Variants in PDE4D observed in about 807,000 individuals in gnomAD.
PDE4D encodes the protein 3',5'-cyclic-AMP phosphodiesterase 4D.
In PDE4D, 24 loss-of-function variants were observed where a neutral mutation model predicts 87.4. The ratio of observed to expected loss-of-function variants is 0.27; its 90% CI spans 0.20 to 0.39. PDE4D has a LOEUF of 0.39. Ranked by LOEUF, PDE4D falls within the 10% of genes least tolerant of loss-of-function variation. The pLI is 1.00. For missense variants in PDE4D, 714 were observed against 1,041.0 expected (o/e 0.69, Z 4.32); for synonymous variants, 384 against 383.2 (o/e 1.00, Z -0.02).
At chr5:60,148,344 C>A (rs1020975883) in intron 2 of PDE4D, among the ~76,000 whole-genome samples, 1 of 151,964 alleles carries the variant, frequency 6.6e-6, no homozygotes, top group Non-Finnish European at 1.5e-5. Context: ...ACAATACAAC[C>A]ACAAAAATAA....
chr5:59,133,486 G>A (rs2153451922), intron 5 of PDE4D, among the ~76,000 whole-genome samples: 1 of 152,114 alleles, frequency 6.6e-6, no homozygotes, highest in South Asian at 2.1e-4. Flanking sequence ...AGAAGACACA[G>A]CATTAAAATA....
At chr5:59,757,902 A>C (rs1761479780) in intron 1 of PDE4D, among the ~76,000 whole-genome samples, 1 of 152,220 alleles carries the variant, frequency 6.6e-6, no homozygotes, top group Admixed American at 6.5e-5. Context: ...TTATAAGAAT[A>C]TTTTATAAGG....
chr5:59,032,010 T>A (rs2153385764), intron 6 of PDE4D, among the ~76,000 whole-genome samples: 1 of 111,874 alleles, frequency 8.9e-6, no homozygotes, highest in South Asian at 2.8e-4. Context: ...GAATAAGTTT[T>A]AGTGATCTAT....
At chr5:59,286,385 G>T (rs1484093521) in intron 1 of PDE4D, among the ~76,000 whole-genome samples, 1 of 152,150 alleles carries the variant, frequency 6.6e-6, no homozygotes, top group Non-Finnish European at 1.5e-5. Context: ...CTTACATTAG[G>T]ACTTAAACTT....
rs547385108 is a variant in PDE4D at position 59,996,590 on chromosome 5, T to G, written c.43-7873A>C. Among the ~76,000 whole-genome samples, 52 of 152,342 alleles carry G rather than the reference T, an allele frequency of 3.4e-4. 1 individual carries two copies. Among genetic ancestry groups the G allele is most frequent in the African/African-American group, 1.2e-3 (48 of 41,586 alleles). ...GCAATAATGGAAAATGAGCCTTAAATTTCTCTAAGCCTTATGCCAAATGTT... is the reference window on the plus strand; with the variant it reads ...GCAATAATGGAAAATGAGCCTTAAAGTTCTCTAAGCCTTATGCCAAATGTT... On this transcript the variant is annotated intron_variant, in intron 2 of 16. Transcript: ENST00000502484.
rs1412377326 is a variant in PDE4D at position 60,337,374 on chromosome 5, T to A, written c.-90+150568A>T. ...AACTATATATATATATATATATATA[T>A]ATATATATATATATACACACACACA... is the stretch of plus-strand genomic sequence containing the variant. On this transcript the variant is annotated intron_variant, in intron 1 of 16. Coordinates refer to the PDE4D transcript ENST00000502484. Among the ~76,000 whole-genome samples, 125 of 118,140 alleles carry A rather than the reference T, an allele frequency of 1.1e-3. 3 individuals are homozygous for A. Among genetic ancestry groups the A allele is most frequent in the African/African-American group, 4.1e-3 (120 of 29,202 alleles). The allele number at this position is 118,140 out of a possible 152,430, so 77.5% of individuals were successfully genotyped here.
chr5:60,142,133 T>G (rs1780583780), intron 2 of PDE4D, among the ~76,000 whole-genome samples: 1 of 142,116 alleles, frequency 7.0e-6, no homozygotes, highest in Non-Finnish European at 1.5e-5. Flanking sequence ...AATTTACCAA[T>G]CACAGGATCC....
intron 1 of PDE4D, among the ~76,000 whole-genome samples, chr5:59,513,229 T>C (rs1407418186): frequency 6.6e-6 from 1 of 152,168 alleles, no homozygotes; most frequent in Non-Finnish European, 1.5e-5. Context: ...CTCCACTAAA[T>C]ATATCATTTC....
intron 1 of PDE4D, among the ~76,000 whole-genome samples, chr5:59,712,815 G>T (rs965470282): frequency 6.6e-6 from 1 of 152,022 alleles, no homozygotes; most frequent in Non-Finnish European, 1.5e-5. Flanking sequence ...GGTGGACAAG[G>T]TTGTCACATT....
At chr5:60,072,174 C>T (rs529271228) in intron 2 of PDE4D, among the ~76,000 whole-genome samples, 93 of 152,232 alleles carry the variant, frequency 6.1e-4, no homozygotes, top group Non-Finnish European at 1.0e-3. Context: ...ACAAGCTCAC[C>T]AGTATCTGTT....
intron 6 of PDE4D, among the ~76,000 whole-genome samples, chr5:59,001,336 A>C (rs1233894482): frequency 6.6e-6 from 1 of 152,052 alleles, no homozygotes; most frequent in Non-Finnish European, 1.5e-5. Flanking sequence ...CTGACATTTA[A>C]CTATTTCCAC....
chr5:59,486,932 A>G lies in PDE4D; in HGVS notation c.456-270964T>C, dbSNP rs187442735. ...CATAAAATGTTTTCTCCCTGCATCAAGAACTTAACTTTAAGAATACAATTT... is the reference window on the plus strand; with the variant it reads ...CATAAAATGTTTTCTCCCTGCATCAGGAACTTAACTTTAAGAATACAATTT... On this transcript the variant is annotated intron_variant, in intron 1 of 14. Transcript: ENST00000340635. 9.8e-5 allele frequency among the ~76,000 whole-genome samples: 15 copies of G among 152,350 alleles called. No homozygotes were observed. The East Asian group carries it at 2.1e-3, about 22-fold the overall frequency.
intron 1 of PDE4D, among the ~76,000 whole-genome samples, chr5:60,449,566 C>T (rs1005306248): frequency 8.6e-5 from 13 of 150,980 alleles, no homozygotes; most frequent in Admixed American, 2.0e-4. Context: ...GTGGGTGCAG[C>T]GCACCAGCAT....
intron 2 of PDE4D, among the ~76,000 whole-genome samples, chr5:60,017,339 T>G (rs565039340): frequency 6.6e-6 from 1 of 152,122 alleles, no homozygotes; most frequent in Non-Finnish European, 1.5e-5. Flanking sequence ...GACATGCAGG[T>G]TTGTCACATA....
At chr5:59,463,456 T>C (rs913944339) in intron 1 of PDE4D, among the ~76,000 whole-genome samples, 8 of 152,326 alleles carry the variant, frequency 5.3e-5, no homozygotes, top group African/African-American at 1.9e-4. Context: ...TCATTACTGA[T>C]GCAAACCTGG....
chr5:60,448,516 T>A (rs1003941734), intron 1 of PDE4D: 3 of 152,158 alleles, frequency 2.0e-5, no homozygotes, highest in Non-Finnish European at 2.9e-5. Flanking sequence ...TTCAGTGTTC[T>A]TCTTTCTCAC....
intron 1 of PDE4D, among the ~76,000 whole-genome samples, chr5:60,297,065 A>C (rs577925967): frequency 3.3e-5 from 5 of 152,318 alleles, no homozygotes; most frequent in Middle Eastern, 3.4e-3. Flanking sequence ...CGTTCTGCCC[A>C]TGTATCCCAG....
intron 11 of PDE4D, among the ~76,000 whole-genome samples, chr5:58,987,192 A>G (rs1309788684): frequency 6.6e-6 from 1 of 150,902 alleles, no homozygotes; most frequent in Non-Finnish European, 1.5e-5. Flanking sequence ...TACCATGTAA[A>G]TGCAGGGAGC....
chr5:60,225,976 T>G (rs1745046221), intron 1 of PDE4D, among the ~76,000 whole-genome samples: 2 of 152,088 alleles, frequency 1.3e-5, no homozygotes, highest in African/African-American at 4.8e-5. Flanking sequence ...GTTTTGAAAC[T>G]GTAACAAAAT....
Sources: gnomAD v4.1 joint callset for allele counts (sites outside exome capture counted in the v4.1 genomes callset) on GRCh38, gnomAD v4.1.1 for gene constraint, MANE v1.5 for transcripts, NCBI Gene and HGNC (gene_info 2026-07-23, HGNC 2026-07-21) for gene names.